The following PGAP2 variants were observed in gnomAD, a reference collection of about 807,000 sequenced individuals.
PGAP2 encodes the protein acyltransferase PGAP2.
In PGAP2, 21 loss-of-function variants were observed where a neutral mutation model predicts 33.2. That is an observed-to-expected ratio of 0.63 (90% CI 0.45 to 0.91). PGAP2 has a LOEUF of 0.91. Among genes scored for constraint, PGAP2 ranks in the 40% least tolerant of loss-of-function variants. The pLI, the probability that PGAP2 is intolerant of heterozygous loss-of-function variation, is 0.00. For missense variants in PGAP2, 345 were observed against 424.0 expected, an observed-to-expected ratio of 0.81 and a Z score of 1.64; for synonymous variants, 161 against 172.9, an observed-to-expected ratio of 0.93 and a Z score of 0.54.
At chr11:3,808,511 C>T (rs1384675973), upstream of PGAP2, 8 of 1,397,292 alleles carry the variant, frequency 5.7e-6, no homozygotes, top group East Asian at 2.7e-5. Context: ...GATCTGGGCG[C>T]AGTTTCCTCT....
chr11:3,805,708 G>A (rs1420248109), upstream of PGAP2, among the ~76,000 whole-genome samples: 3 of 149,882 alleles, frequency 2.0e-5, no homozygotes, highest in East Asian at 6.1e-4. Context: ...TTTTTTTTGA[G>A]ACACGGTCTT....
Position 3,817,846 on chromosome 11 carries a change from C to G in PGAP2, c.348+311C>G, listed in dbSNP as rs747021864. 6.8e-5 allele frequency: 36 copies of G among 526,840 alleles called. 2 individuals are homozygous for G. The highest frequency in any genetic ancestry group is 5.2e-4 in the South Asian group (34 of 65,008). The allele number at this position is 526,840 out of a possible 1,614,324, so 32.6% of individuals were successfully genotyped here. A position where few individuals can be genotyped will look rare whatever the true frequency, so the allele number is the denominator to read the frequency against. On this transcript the variant is annotated intron_variant, in intron 3 of 6. Transcript: ENST00000278243. ...TGGATCACTCGAGTTCAGTTCGAGACCAGCCTGGGCAACATGGTGAAACCC... is the reference window on the plus strand; with the variant it reads ...TGGATCACTCGAGTTCAGTTCGAGAGCAGCCTGGGCAACATGGTGAAACCC...
chr11:3,824,162 G>A (rs920866244), intron 4 of PGAP2, 27 bp downstream of exon 4: 1 of 1,613,420 alleles, frequency 6.2e-7, no homozygotes, highest in African/African-American at 1.3e-5. Context: ...GGGAGGAGTG[G>A]GGAAGTGTTC....
At chr11:3,810,628 T>A (rs557653744) in intron 1 of PGAP2, among the ~76,000 whole-genome samples, 1 of 152,302 alleles carries the variant, frequency 6.6e-6, no homozygotes, top group East Asian at 1.9e-4. Context: ...GGCCTGATTC[T>A]GCAAAGCCTT....
chr11:3,808,075 A>T, upstream of PGAP2: 9 of 1,430,128 alleles, frequency 6.3e-6, no homozygotes, highest in Non-Finnish European at 7.3e-6. Context: ...ACCGGGTCTC[A>T]CTGCCTGCAA....
chr11:3,807,326 T>TTA (rs1554920136), upstream of PGAP2, among the ~76,000 whole-genome samples: 154 of 117,604 alleles, frequency 1.3e-3, no homozygotes, highest in African/African-American at 4.1e-3. Context: ...TTTTTTTTTT[T>TTA]AATGGAGTTT....
intron 2 of PGAP2, among the ~76,000 whole-genome samples, chr11:3,814,811 TC>T (rs2086569962): frequency 8.0e-6 from 1 of 124,448 alleles, no homozygotes; most frequent in Admixed American, 8.4e-5. Flanking sequence ...TTTCTTTCTT[TC>T]TCTTTCTTTC....
At chr11:3,802,161 G>A (rs560703200) in intron 1 of PGAP2, among the ~76,000 whole-genome samples, 26 of 147,934 alleles carry the variant, frequency 1.8e-4, no homozygotes, top group Admixed American at 8.2e-4. Flanking sequence ...CAAAGTACAA[G>A]TAGATGTGCA....
intron 3 of PGAP2, chr11:3,822,942 G>A: frequency 1.3e-6 from 2 of 1,519,134 alleles, no homozygotes; most frequent in Non-Finnish European, 1.8e-6. Context: ...CAGGCATTAA[G>A]ATGGATGGTG....
chr11:3,802,650 C>T (rs1434594701), intron 1 of PGAP2, among the ~76,000 whole-genome samples: 4 of 152,156 alleles, frequency 2.6e-5, no homozygotes, highest in African/African-American at 9.7e-5. Flanking sequence ...TCTGTAAGGA[C>T]TGCAGAATTG....
intron 1 of PGAP2, 130 bp downstream of exon 1, chr11:3,808,781 C>T (rs1473312205): frequency 3.7e-6 from 1 of 270,738 alleles, no homozygotes; most frequent in Non-Finnish European, 5.8e-6. Flanking sequence ...ATCGCACACA[C>T]TCTGTTTCCC....
At chr11:3,798,211 T>A in intron 1 of PGAP2, 1 of 1,149,916 alleles carries the variant, frequency 8.7e-7, no homozygotes, top group Non-Finnish European at 1.1e-6. Flanking sequence ...CCTGAATTTC[T>A]AGGATGGACA....
chr11:3,808,320 G>A (rs2084818192), upstream of PGAP2: 1 of 1,551,510 alleles, frequency 6.4e-7, no homozygotes, highest in Non-Finnish European at 8.7e-7. Flanking sequence ...TGAGAGGTAA[G>A]GCGACAAGGT....
At chr11:3,805,649 G>A (rs1005388963), upstream of PGAP2, among the ~76,000 whole-genome samples, 7 of 149,998 alleles carry the variant, frequency 4.7e-5, no homozygotes, top group East Asian at 6.2e-4. Context: ...AAGGAGGATC[G>A]CTTGAGCCTA....
At chr11:3,805,259 C>A (rs201429608), upstream of PGAP2, among the ~76,000 whole-genome samples, 7 of 123,210 alleles carry the variant, frequency 5.7e-5, 1 homozygote, top group South Asian at 1.9e-3. Flanking sequence ...TGTGGATATT[C>A]TTTTTTTTTT....
upstream of PGAP2, chr11:3,808,056 A>G: frequency 7.1e-7 from 1 of 1,414,048 alleles, no homozygotes; most frequent in Non-Finnish European, 9.2e-7. Flanking sequence ...AGTTTCTGGG[A>G]TGTGCCTCAC....
intron 2 of PGAP2, among the ~76,000 whole-genome samples, chr11:3,814,816 T>C (rs10767618): frequency 0.11 from 12,345 of 113,608 alleles, 715 homozygotes; most frequent in East Asian, 0.22. Flanking sequence ...TTCTTTCTCT[T>C]TCTTTCTTTT....
chr11:3,807,587 C>CGTGA, upstream of PGAP2, among the ~76,000 whole-genome samples: 1 of 152,050 alleles, frequency 6.6e-6, no homozygotes, highest in East Asian at 2.0e-4. Context: ...GGATTACAGG[C>CGTGA]GTGAGCTACC....
chr11:3,811,235 C>T lies in PGAP2; in HGVS notation c.-10-15C>T, dbSNP rs1266550687. 3 of 1,603,854 alleles carry T rather than the reference C, an allele frequency of 1.9e-6. No homozygotes were observed. The South Asian group carries it at 3.3e-5, about 18-fold the overall frequency. On this transcript the variant is annotated splice_polypyrimidine_tract_variant and intron_variant, in intron 1 of 6. Coordinates refer to ENST00000278243, the MANE Select transcript of PGAP2 (RefSeq NM_014489.4). The surrounding 1 kb of genome is among the most constrained non-coding windows in gnomAD (Gnocchi z 4.6). ...GGCTGCCTGGGGCCCTGACAGCATG[C>T]CACTCCATCCCCAGGTCTGACAAGA...
Sources: allele counts gnomAD v4.1 joint callset (sites outside exome capture counted in the v4.1 genomes callset), GRCh38; gene constraint gnomAD v4.1.1; non-coding constraint Gnocchi (gnomAD v3.1); transcripts MANE v1.5; gene names NCBI Gene and HGNC (gene_info 2026-07-23, HGNC 2026-07-21).